The following KLRF2 variants were observed in gnomAD, a reference collection of about 807,000 sequenced individuals.
KLRF2 encodes killer cell lectin-like receptor subfamily F member 2.
In KLRF2, 28 loss-of-function variants were observed where a neutral mutation model predicts 25.3. The ratio of observed to expected loss-of-function variants is 1.11; its 90% CI spans 0.82 to 1.52. The LOEUF (loss-of-function observed/expected upper bound fraction) is 1.52. Ranked by LOEUF, KLRF2 falls within the 40% of genes most tolerant of loss-of-function variation. KLRF2 has a pLI of 0.00. For synonymous variants in KLRF2, 73 were observed against 85.0 expected (o/e 0.86, Z 0.78); for missense variants, 265 against 245.8 (o/e 1.08, Z -0.52).
chr12:9,895,197 C>T (rs905639627), intron 5 of KLRF2, among the ~76,000 whole-genome samples: 5 of 152,328 alleles, frequency 3.3e-5, no homozygotes, highest in Admixed American at 2.6e-4. Context: ...ATACCTATCA[C>T]TATGTAGTTT....
intron 3 of KLRF2, among the ~76,000 whole-genome samples, chr12:9,889,277 G>A (rs1862643281): frequency 6.6e-6 from 1 of 152,178 alleles, no homozygotes; most frequent in South Asian, 2.1e-4. Flanking sequence ...AACAAACTGT[G>A]ATGATTAATT....
chr12:9,891,606 C>A (rs1389893512), intron 3 of KLRF2, among the ~76,000 whole-genome samples: 1 of 152,094 alleles, frequency 6.6e-6, no homozygotes, highest in East Asian at 1.9e-4. Context: ...CATTTTATAC[C>A]TTTTAGCAAA....
chr12:9,884,368 T>C (rs1868127944), intron 1 of KLRF2, among the ~76,000 whole-genome samples: 1 of 151,692 alleles, frequency 6.6e-6, no homozygotes, highest in Non-Finnish European at 1.5e-5. Context: ...CCCAGAAAAA[T>C]ATAATATATT....
Position 9,895,829 on chromosome 12 carries a change from T to G in KLRF2, c.620T>G (p.Val207Gly), listed in dbSNP as rs1218552010. ...TTGACGCACAATGGAACCAGTGGTG[T>G]GTAAATGTACAACCAAACATAGAAA... ...AILTHNGTSGV is the reference protein window; with the variant it reads ...AILTHNGTSGG The change falls in exon 6 of 6, where the codon GTG (valine) becomes GGG (glycine). Residue 207 changes from valine to glycine, a missense_variant. Transcript: ENST00000535540. 1 of 1,528,210 alleles carries G rather than the reference T, an allele frequency of 6.5e-7. No homozygotes were observed. The highest frequency in any genetic ancestry group is 8.7e-7 in the Non-Finnish European group (1 of 1,144,288). 94.7% of individuals were successfully genotyped at this position (1,528,210 alleles called of 1,614,324 possible).
intron 3 of KLRF2, 115 bp downstream of exon 3, chr12:9,888,895 G>A: frequency 1.8e-6 from 1 of 554,338 alleles, no homozygotes. Flanking sequence ...GGTGGAGAAA[G>A]GTATGGGGCT....
intron 1 of KLRF2, among the ~76,000 whole-genome samples, chr12:9,882,217 CTAAGT>C (rs1307559787): frequency 6.6e-6 from 1 of 151,950 alleles, no homozygotes; most frequent in Non-Finnish European, 1.5e-5. Context: ...TAGCCAAGAC[CTAAGT>C]TAAGATGACA....
chr12:9,886,579 A>G (rs1862599989), intron 2 of KLRF2, among the ~76,000 whole-genome samples: 1 of 152,170 alleles, frequency 6.6e-6, no homozygotes, highest in South Asian at 2.1e-4. Context: ...ATGGAGGTCT[A>G]AAACAAGGTA....
At chr12:9,887,495 T>G (rs1430313809) in intron 2 of KLRF2, among the ~76,000 whole-genome samples, 1 of 152,150 alleles carries the variant, frequency 6.6e-6, no homozygotes, top group East Asian at 1.9e-4. Context: ...AGTAATCAAG[T>G]AAATATTTTT....
At chr12:9,885,919 A>G (rs1862591360) in intron 2 of KLRF2, among the ~76,000 whole-genome samples, 1 of 152,078 alleles carries the variant, frequency 6.6e-6, no homozygotes. Flanking sequence ...AAGAAGTTGA[A>G]TCCACTGTAG....
intron 1 of KLRF2, among the ~76,000 whole-genome samples, chr12:9,882,353 C>G (rs922403915): frequency 6.6e-6 from 1 of 152,206 alleles, no homozygotes; most frequent in African/African-American, 2.4e-5. Flanking sequence ...CCCCTGCCCC[C>G]ACAAAATGAC....
chr12:9,894,062 CTTTT>C (rs755416544), intron 5 of KLRF2, among the ~76,000 whole-genome samples: 2 of 151,240 alleles, frequency 1.3e-5, no homozygotes. Flanking sequence ...TTCTCTTTCT[CTTTT>C]TTCTTTCTCT....
At chr12:9,890,885 A>G (rs1394647008) in intron 3 of KLRF2, among the ~76,000 whole-genome samples, 1 of 152,236 alleles carries the variant, frequency 6.6e-6, no homozygotes, top group African/African-American at 2.4e-5. Context: ...CGCAATTCCT[A>G]ACAAAGCTAG....
At chr12:9,893,637 G>A in intron 5 of KLRF2, 96 bp downstream of exon 5, 1 of 469,550 alleles carries the variant, frequency 2.1e-6, no homozygotes, top group Non-Finnish European at 3.6e-6. Context: ...TTCTTTCTCT[G>A]TTTTCCCTTA....
intron 3 of KLRF2, among the ~76,000 whole-genome samples, chr12:9,889,858 A>G (rs1401519968): frequency 6.6e-6 from 1 of 152,078 alleles, no homozygotes; most frequent in African/African-American, 2.4e-5. Context: ...ATCAATATAT[A>G]AAGTTAAATA....
intron 1 of KLRF2, 98 bp downstream of exon 1, chr12:9,881,763 A>T: frequency 1.2e-6 from 1 of 853,696 alleles, no homozygotes; most frequent in East Asian, 2.7e-5. Context: ...CATTGATCAT[A>T]ATAAGGAATA....
At chr12:9,886,646 GCCAA>G (rs1862600742) in intron 2 of KLRF2, among the ~76,000 whole-genome samples, 1 of 151,300 alleles carries the variant, frequency 6.6e-6, no homozygotes, top group African/African-American at 2.4e-5. Flanking sequence ...ACTTTTGAAA[GCCAA>G]AAATATGAAG....
intron 3 of KLRF2, 44 bp from the exon 4 acceptor site, chr12:9,892,976 T>C (rs1862698481): frequency 2.1e-6 from 3 of 1,432,220 alleles, no homozygotes; most frequent in Non-Finnish European, 2.8e-6. Flanking sequence ...ATCTTCCCTG[T>C]TGGCTGTAAA....
At position 9,884,956 on chromosome 12, in the gene KLRF2, T is replaced by A. The variant is rs777208250; in HGVS notation, c.93T>A (p.Tyr31Ter). ...CAGATTTCTCCCTATATCCACAATA[T>A]TATTGTCTTCTGCTCATATTTGGAT... Reference protein sequence around the residue: ...KSKDFSLYPQYYCLLLIFGCI... With the variant: ...KSKDFSLYPQ The change falls in exon 2 of 6, where the codon TAT becomes TAA. Residue 31 changes from tyrosine to a stop codon, truncating the protein, a stop_gained. Transcript: ENST00000535540. LOFTEE classifies it high-confidence loss of function. 11 of 1,292,852 alleles carry A rather than the reference T, an allele frequency of 8.5e-6. No homozygotes were observed. The Middle Eastern group carries it at 9.7e-4, about 115-fold the overall frequency. The allele number at this position is 1,292,852 out of a possible 1,614,324, so 80.1% of individuals were successfully genotyped here.
At chr12:9,894,426 C>A (rs900497711) in intron 5 of KLRF2, among the ~76,000 whole-genome samples, 3 of 152,074 alleles carry the variant, frequency 2.0e-5, no homozygotes, top group African/African-American at 7.2e-5. Context: ...CAAACTATCA[C>A]CCACCTCAGC....
Sources: allele counts gnomAD v4.1 joint callset (sites outside exome capture counted in the v4.1 genomes callset), GRCh38; gene constraint gnomAD v4.1.1; transcripts MANE v1.5; gene names NCBI Gene and HGNC (gene_info 2026-07-23, HGNC 2026-07-21).